SNX24: variants seen among roughly 807,000 people sequenced by gnomAD.
The protein encoded by SNX24 is sorting nexin-24.
Under a neutral mutation model 28.7 loss-of-function variants are expected in SNX24, and 22 were observed. The ratio of observed to expected loss-of-function variants is 0.77; its 90% CI spans 0.55 to 1.10. SNX24 has a LOEUF of 1.10. Among genes scored for constraint, SNX24 ranks in the 50% least tolerant of loss-of-function variants. The pLI, the probability that SNX24 is intolerant of heterozygous loss-of-function variation, is 0.00. For synonymous variants in SNX24, 69 were observed against 71.5 expected (o/e 0.96, Z 0.18); for missense variants, 221 against 201.1 (o/e 1.10, Z -0.60).
chr5:123,028,306 T>C (rs1045986211), intron 5 of SNX24, among the ~76,000 whole-genome samples: 3 of 152,184 alleles, frequency 2.0e-5, no homozygotes, highest in Admixed American at 6.5e-5. Context: ...GTCAATATGA[T>C]GAAAGATTTT....
At chr5:123,003,084 C>A (rs1448536602) in intron 6 of SNX24, among the ~76,000 whole-genome samples, 1 of 152,162 alleles carries the variant, frequency 6.6e-6, no homozygotes, top group African/African-American at 2.4e-5. Context: ...TCCATTGAAA[C>A]CCTCCCTGTT....
chr5:122,864,332 G>A (rs528751241), intron 1 of SNX24, among the ~76,000 whole-genome samples: 4 of 152,194 alleles, frequency 2.6e-5, no homozygotes, highest in South Asian at 2.1e-4. Context: ...AAAAAGTGAC[G>A]AACAAGGGTG....
At chr5:122,867,715 A>C (rs867334480) in intron 1 of SNX24, among the ~76,000 whole-genome samples, 5 of 152,248 alleles carry the variant, frequency 3.3e-5, no homozygotes, top group African/African-American at 1.2e-4. Flanking sequence ...CCTCATGATT[A>C]TTAAAATCCT....
chr5:123,008,577 A>T lies in SNX24; in HGVS notation c.*828A>T, dbSNP rs1251604535. 1 of 148,336 alleles carries T rather than the reference A, an allele frequency of 6.7e-6. No homozygotes were observed. Among genetic ancestry groups the T allele is most frequent in the Non-Finnish European group, 1.5e-5 (1 of 68,684 alleles). 9.2% of individuals were successfully genotyped at this position (148,336 alleles called of 1,614,324 possible). ...TTGTTAAAAAAAAAAAAAAAAAAGC[A>T]CATAACTTTTAACACTAGAATCAGC... On this transcript the variant is annotated 3_prime_UTR_variant, in exon 7 of 7. Coordinates refer to ENST00000261369, the MANE Select transcript of SNX24 (RefSeq NM_014035.4).
chr5:122,918,141 G>C (rs1758263463), intron 1 of SNX24, among the ~76,000 whole-genome samples: 1 of 152,156 alleles, frequency 6.6e-6, no homozygotes, highest in African/African-American at 2.4e-5. Context: ...GGGCCTGGTG[G>C]CTCCCACCTG....
intron 6 of SNX24, among the ~76,000 whole-genome samples, chr5:123,006,348 C>G (rs146167135): frequency 2.6e-5 from 4 of 152,330 alleles, no homozygotes; most frequent in Non-Finnish European, 4.4e-5. Context: ...CCTTCCCTCA[C>G]TAGCCACATC....
At position 123,001,923 on chromosome 5, in the gene SNX24, G is replaced by C. The variant is rs1762261380; in HGVS notation, c.378-17G>C. On this transcript the variant is annotated splice_polypyrimidine_tract_variant and intron_variant, in intron 5 of 6. Coordinates refer to ENST00000261369, the MANE Select transcript of SNX24 (RefSeq NM_014035.4). ...ATCGTCCCCTGATGCTGACATGCCT[G>C]TTCTTGACCTTTCCAGCAAACTGTC... 5.6e-6 allele frequency: 9 copies of C among 1,612,814 alleles called. No homozygotes were observed. In the East Asian group the frequency reaches 2.0e-4, roughly 36 times the overall value.
At chr5:122,858,588 G>A (rs1416145292) in intron 1 of SNX24, among the ~76,000 whole-genome samples, 2 of 152,086 alleles carry the variant, frequency 1.3e-5, no homozygotes, top group Non-Finnish European at 2.9e-5. Context: ...AGCTGATGTC[G>A]TCAAATTCCC....
At chr5:122,880,288 G>GT (rs35936015) in intron 1 of SNX24, among the ~76,000 whole-genome samples, 122,571 of 152,168 alleles carry the variant, frequency 0.81, 50,147 homozygotes, top group East Asian at 0.99. Flanking sequence ...AGGCAGCTTT[G>GT]TCTAATTGCA....
chr5:122,925,317 A>C (rs1422441192), intron 1 of SNX24, among the ~76,000 whole-genome samples: 3 of 140,380 alleles, frequency 2.1e-5, no homozygotes, highest in African/African-American at 8.1e-5. Context: ...GGCTTACTGC[A>C]GTCTCAACCC....
At chr5:123,002,075 A>G (rs1428587491) in intron 6 of SNX24, 71 bp downstream of exon 6, 12 of 1,186,736 alleles carry the variant, frequency 1.0e-5, no homozygotes, top group Non-Finnish European at 1.5e-5. Context: ...CACGTTTTTA[A>G]TACAGGTCTA....
At chr5:122,886,170 A>T (rs114700465) in intron 1 of SNX24, among the ~76,000 whole-genome samples, 4,257 of 152,326 alleles carry the variant, frequency 0.028, 76 homozygotes, top group Middle Eastern at 0.054. Flanking sequence ...GACACTTCAG[A>T]CATGAATTAA....
chr5:122,882,659 G>GA (rs897178058), intron 1 of SNX24, among the ~76,000 whole-genome samples: 7 of 152,052 alleles, frequency 4.6e-5, no homozygotes, highest in African/African-American at 1.7e-4. Context: ...GGACCTATGG[G>GA]AAAAAATATA....
intron 5 of SNX24, among the ~76,000 whole-genome samples, chr5:123,024,469 C>G (rs1299493545): frequency 1.3e-5 from 2 of 152,092 alleles, no homozygotes; most frequent in Non-Finnish European, 2.9e-5. Flanking sequence ...CTAGGTTTGT[C>G]CATTTTAAAG....
intron 5 of SNX24, chr5:123,022,334 C>T (rs1299240078): frequency 6.6e-6 from 1 of 152,202 alleles, no homozygotes; most frequent in Non-Finnish European, 1.5e-5. Flanking sequence ...TGGATCCTCA[C>T]TGCTTGAGTC....
At chr5:122,852,633 A>G (rs908307057) in intron 1 of SNX24, among the ~76,000 whole-genome samples, 4 of 152,142 alleles carry the variant, frequency 2.6e-5, no homozygotes, top group African/African-American at 2.4e-5. Flanking sequence ...ATGAGCCACC[A>G]TGCCCAGCCG....
At chr5:122,913,704 GGA>G (rs1191480698) in intron 1 of SNX24, among the ~76,000 whole-genome samples, 1 of 151,902 alleles carries the variant, frequency 6.6e-6, no homozygotes, top group Non-Finnish European at 1.5e-5. Flanking sequence ...TTCCTAGATG[GGA>G]TGGCGGCCGG....
intron 1 of SNX24, among the ~76,000 whole-genome samples, chr5:122,918,910 A>G (rs1281609758): frequency 6.6e-6 from 1 of 152,214 alleles, no homozygotes; most frequent in Non-Finnish European, 1.5e-5. Context: ...TGTCTTAAAT[A>G]TGTCTCCCCA....
intron 1 of SNX24, among the ~76,000 whole-genome samples, chr5:122,858,351 A>G (rs1010558502): frequency 2.6e-5 from 4 of 152,262 alleles, no homozygotes; most frequent in African/African-American, 9.6e-5. Context: ...GGCTTGCTCA[A>G]TGCAGGATAA....
Sources: gnomAD v4.1 joint callset for allele counts (sites outside exome capture counted in the v4.1 genomes callset) on GRCh38, gnomAD v4.1.1 for gene constraint, MANE v1.5 for transcripts, NCBI Gene and HGNC (gene_info 2026-07-23, HGNC 2026-07-21) for gene names.